The following POLA1 variants were observed in gnomAD, a reference collection of about 807,000 sequenced individuals.
The protein encoded by POLA1 is DNA polymerase alpha 1, catalytic subunit, also known as DNA polymerase alpha catalytic subunit.
POLA1 carries 15 observed loss-of-function variants against 124.0 expected under a neutral mutation model. That is an observed-to-expected ratio of 0.12 (90% CI 0.08 to 0.19). The LOEUF (loss-of-function observed/expected upper bound fraction) is 0.19, where lower values mean the gene tolerates loss of function less well. Among genes scored for constraint, POLA1 ranks in the 10% least tolerant of loss-of-function variants. The pLI is 1.00. For synonymous variants in POLA1, 408 were observed against 389.4 expected (o/e 1.05, Z -0.56); for missense variants, 886 against 1,103.4 (o/e 0.80, Z 2.79).
chrX:24,694,109 A>T, intron 1 of POLA1, 105 bp downstream of exon 1: 2 of 814,572 alleles, frequency 2.5e-6, no homozygotes, highest in Non-Finnish European at 3.4e-6. Flanking sequence ...TTGGGCGCAG[A>T]CCTTGGTCGT....
intron 35 of POLA1, among the ~76,000 whole-genome samples, chrX:24,913,045 A>G (rs1212971647): frequency 2.7e-5 from 3 of 112,319 alleles, no homozygotes; most frequent in Non-Finnish European, 5.6e-5. Flanking sequence ...TGTTCATACA[A>G]ATACCTGAAT....
chrX:24,898,312 C>T (rs751390533), intron 35 of POLA1, among the ~76,000 whole-genome samples: 4 of 111,999 alleles, frequency 3.6e-5, no homozygotes, highest in Non-Finnish European at 7.5e-5. Context: ...GTCCATTTAT[C>T]GCCTAATCGG....
At chrX:24,793,968 TC>T (rs992485443) in intron 26 of POLA1, among the ~76,000 whole-genome samples, 5 of 109,993 alleles carry the variant, frequency 4.5e-5, no homozygotes, top group African/African-American at 1.7e-4. Context: ...CCCTTTTGTT[TC>T]TTTTTCTTTT....
In POLA1 at chrX:24,780,400, C is replaced by T. The variant is rs531962257; in HGVS notation, c.2965-29498C>T. ...ATTAGGGGGAAAGCATTTAGCCTTT[C>T]GGCATTAAGTATGTTGTCAGCTGAA... is the stretch of plus-strand genomic sequence containing the variant. On this transcript the variant is annotated intron_variant, in intron 26 of 36. Coordinates refer to ENST00000379068, the MANE Select transcript of POLA1 (RefSeq NM_001330360.2). Among the ~76,000 whole-genome samples the T allele has an allele frequency of 1.2e-4, 13 of 112,675 alleles. No individual in the cohort carries two copies. The South Asian group carries it at 4.0e-3, about 35-fold the overall frequency.
intron 4 of POLA1, among the ~76,000 whole-genome samples, chrX:24,707,083 A>G (rs2148321670): frequency 8.9e-6 from 1 of 112,295 alleles, no homozygotes; most frequent in South Asian, 3.7e-4. Context: ...CACTGGTACC[A>G]TTTGGTAGCA....
chrX:24,854,751 C>T (rs1366923907), intron 34 of POLA1, among the ~76,000 whole-genome samples: 1 of 109,954 alleles, frequency 9.1e-6, no homozygotes, highest in Admixed American at 9.7e-5. Flanking sequence ...ATCGCTTGGA[C>T]CCAGGAGGCA....
intron 36 of POLA1, among the ~76,000 whole-genome samples, chrX:24,989,355 C>T (rs1359944023): frequency 9.0e-6 from 1 of 111,581 alleles, no homozygotes; most frequent in Non-Finnish European, 1.9e-5. Flanking sequence ...CCTAACCCCC[C>T]TGAGCACCAC....
chrX:24,842,430 G>T (rs1350095048), intron 33 of POLA1, among the ~76,000 whole-genome samples: 1 of 112,346 alleles, frequency 8.9e-6, no homozygotes. Flanking sequence ...TTCCACTGCA[G>T]TGTTATGCAT....
intron 34 of POLA1, among the ~76,000 whole-genome samples, chrX:24,859,762 T>A (rs1221680643): frequency 3.6e-5 from 4 of 111,676 alleles, no homozygotes; most frequent in Non-Finnish European, 7.5e-5. Context: ...AGCAAGGGAG[T>A]GATTTTTGGA....
intron 13 of POLA1, among the ~76,000 whole-genome samples, chrX:24,726,473 G>A (rs1930542753): frequency 8.9e-6 from 1 of 112,184 alleles, no homozygotes; most frequent in South Asian, 3.7e-4. Context: ...TAATTAACTG[G>A]ACCTTAACCT....
At chrX:24,781,367 T>C (rs989361859) in intron 26 of POLA1, among the ~76,000 whole-genome samples, 3 of 111,663 alleles carry the variant, frequency 2.7e-5, no homozygotes, top group Non-Finnish European at 5.6e-5. Flanking sequence ...GGTAAGAGGC[T>C]ATTTTTGCCC....
chrX:24,742,169 C>CG, intron 22 of POLA1, 48 bp downstream of exon 22: 1 of 826,621 alleles, frequency 1.2e-6, no homozygotes, highest in East Asian at 4.8e-5. Context: ...ACCCCCCCCC[C>CG]CCTTTTAATA....
chrX:24,761,806 G>A (rs1932800663), intron 26 of POLA1, among the ~76,000 whole-genome samples: 1 of 112,231 alleles, frequency 8.9e-6, no homozygotes, highest in Non-Finnish European at 1.9e-5. Flanking sequence ...TGCTGAGTGT[G>A]TACATGGAGG....
intron 26 of POLA1, among the ~76,000 whole-genome samples, chrX:24,774,326 A>G (rs894809772): frequency 9.0e-6 from 1 of 111,602 alleles, no homozygotes; most frequent in African/African-American, 3.3e-5. Context: ...CTCAGCAGCA[A>G]TGCCTAGAGG....
chrX:24,892,751 G>C (rs1213031620), intron 35 of POLA1, among the ~76,000 whole-genome samples: 1 of 112,180 alleles, frequency 8.9e-6, no homozygotes, highest in Non-Finnish European at 1.9e-5. Context: ...TCACGATCAT[G>C]GTAGAAATAA....
intron 33 of POLA1, among the ~76,000 whole-genome samples, chrX:24,843,244 C>T (rs1166270648): frequency 2.7e-5 from 3 of 111,897 alleles, no homozygotes; most frequent in African/African-American, 9.7e-5. Context: ...AACATGACTT[C>T]ACTGGTATTT....
chrX:24,764,959 T>C (rs1932866964), intron 26 of POLA1, among the ~76,000 whole-genome samples: 1 of 111,397 alleles, frequency 9.0e-6, no homozygotes, highest in South Asian at 3.8e-4. Context: ...AATTGCATCA[T>C]ATCATTCTGC....
intron 36 of POLA1, among the ~76,000 whole-genome samples, chrX:24,963,717 T>C (rs1012953656): frequency 2.7e-5 from 3 of 111,546 alleles, no homozygotes; most frequent in African/African-American, 9.8e-5. Context: ...AATACAGAAC[T>C]CTTATTTGTA....
rs11573492 is a variant in POLA1 at position 24,952,070 on chromosome X, G to C, written c.4261+21521G>C. On this transcript the variant is annotated intron_variant, in intron 36 of 36. Coordinates refer to ENST00000379068, the MANE Select transcript of POLA1 (RefSeq NM_001330360.2). ...AGGAGTCCTGAGTGCTTTGGTAAAT[G>C]TGTTGGTTTGTACCATATAAAATTG... Among the ~76,000 whole-genome samples, 702 of 111,751 alleles carry C rather than the reference G, an allele frequency of 6.3e-3. 23 individuals are homozygous for C. In the East Asian group the frequency reaches 0.1, roughly 16 times the overall value.
Sources: gnomAD v4.1 joint callset for allele counts (sites outside exome capture counted in the v4.1 genomes callset) on GRCh38, gnomAD v4.1.1 for gene constraint, MANE v1.5 for transcripts, NCBI Gene and HGNC (gene_info 2026-07-23, HGNC 2026-07-21) for gene names.